Variants in GPAT3 observed in about 807,000 individuals in gnomAD.
GPAT3 encodes 1-AGP acyltransferase 9.
In GPAT3, 53 loss-of-function variants were observed where a neutral mutation model predicts 58.8. The ratio of observed to expected loss-of-function variants is 0.90; its 90% CI spans 0.72 to 1.13. The LOEUF is 1.13. GPAT3 is among the 50% of genes most tolerant of loss of function. GPAT3 has a pLI of 0.00. For synonymous variants in GPAT3, 197 were observed against 187.4 expected (o/e 1.05, Z -0.42); for missense variants, 511 against 527.6 (o/e 0.97, Z 0.31).
chr4:83,589,629 T>G (rs960420168), intron 5 of GPAT3, among the ~76,000 whole-genome samples: 2 of 152,110 alleles, frequency 1.3e-5, no homozygotes, highest in African/African-American at 4.8e-5. Flanking sequence ...CCACTAAAAG[T>G]GATGTATATG....
chr4:83,582,257 T>A (rs1726168968), intron 3 of GPAT3, among the ~76,000 whole-genome samples: 1 of 152,228 alleles, frequency 6.6e-6, no homozygotes, highest in Admixed American at 6.5e-5. Flanking sequence ...CATAACTGCA[T>A]AAGAGAGAAA....
In GPAT3 at chr4:83,544,863, G is replaced by A. The variant is rs114813577; in HGVS notation, c.208+261G>A. On this transcript the variant is annotated intron_variant, in intron 2 of 11. Coordinates refer to ENST00000264409, the MANE Select transcript of GPAT3 (RefSeq NM_032717.5). ...GGCATGTATTTGAAGATGGCTGTCC[G>A]TGGTTTTAAAGATGTAGTCGATGGC... Among the ~76,000 whole-genome samples, 1,041 of 151,684 alleles carry A rather than the reference G, an allele frequency of 6.9e-3. 16 individuals are homozygous for A. Among genetic ancestry groups the A allele is most frequent in the African/African-American group, 0.024 (977 of 41,284 alleles).
Sources: allele counts gnomAD v4.1 joint callset (sites outside exome capture counted in the v4.1 genomes callset), GRCh38; gene constraint gnomAD v4.1.1; transcripts MANE v1.5; gene names NCBI Gene and HGNC (gene_info 2026-07-23, HGNC 2026-07-21).